INPP4A: variants seen among roughly 807,000 people sequenced by gnomAD.
INPP4A encodes inositol polyphosphate-4-phosphatase, type I, 107kD.
A neutral mutation model predicts 119.8 loss-of-function variants in INPP4A; 33 were observed. That is an observed-to-expected ratio of 0.28 (90% CI 0.21 to 0.37). The LOEUF is 0.37. INPP4A is among the 10% of genes least tolerant of loss of function. The probability of loss-of-function intolerance (pLI) is 1.00; values close to 1 mark genes in which losing one functional copy is unlikely to be tolerated. For synonymous variants in INPP4A, 496 were observed against 500.7 expected, an observed-to-expected ratio of 0.99 and a Z score of 0.12; for missense variants, 956 against 1,289.9, an observed-to-expected ratio of 0.74 and a Z score of 3.97.
chr2:98,493,468 C>T (rs1681277886), intron 1 of INPP4A, among the ~76,000 whole-genome samples: 1 of 139,318 alleles, frequency 7.2e-6, no homozygotes, highest in African/African-American at 2.6e-5. Flanking sequence ...CCTCTGTCAT[C>T]CATGCTGCAG....
intron 1 of INPP4A, among the ~76,000 whole-genome samples, chr2:98,476,385 T>C (rs1043965085): frequency 6.6e-6 from 1 of 152,224 alleles, no homozygotes; most frequent in Non-Finnish European, 1.5e-5. Flanking sequence ...GTAATGGCCC[T>C]GTTTGCTGTC....
chr2:98,474,296 C>CT (rs1200882100), intron 1 of INPP4A, among the ~76,000 whole-genome samples: 1 of 152,204 alleles, frequency 6.6e-6, no homozygotes, highest in African/African-American at 2.4e-5. Context: ...CTTCCCAGTG[C>CT]TTGGTGAGGC....
intron 1 of INPP4A, among the ~76,000 whole-genome samples, chr2:98,451,568 C>T (rs1204749669): frequency 6.6e-6 from 1 of 152,086 alleles, no homozygotes; most frequent in Non-Finnish European, 1.5e-5. Flanking sequence ...TCTTTTTGCA[C>T]CTCACTAGGT....
chr2:98,484,184 C>T (rs1679071113), intron 1 of INPP4A, among the ~76,000 whole-genome samples: 2 of 152,166 alleles, frequency 1.3e-5, no homozygotes, highest in Non-Finnish European at 2.9e-5. Context: ...GTCCCATCAC[C>T]TTCTGATGAC....
At chr2:98,525,454 G>A (rs1235158609) in intron 4 of INPP4A, among the ~76,000 whole-genome samples, 2 of 152,150 alleles carry the variant, frequency 1.3e-5, no homozygotes, top group African/African-American at 2.4e-5. Context: ...TCTATTCATA[G>A]TTTCTGAGGA....
intron 16 of INPP4A, among the ~76,000 whole-genome samples, 184 bp from the exon 17 acceptor site, chr2:98,559,279 G>A (rs1168554976): frequency 6.6e-6 from 1 of 152,220 alleles, no homozygotes; most frequent in African/African-American, 2.4e-5. Flanking sequence ...GGCTGCCTTG[G>A]AGCAGCCAGA....
intron 8 of INPP4A, 36 bp downstream of exon 8, chr2:98,538,010 G>T: frequency 7.3e-7 from 1 of 1,364,146 alleles, no homozygotes; most frequent in Non-Finnish European, 1.0e-6. Context: ...CCCTTAGAAA[G>T]AGCAAGGGAA....
At chr2:98,513,184 C>T (rs376576483) in intron 1 of INPP4A, among the ~76,000 whole-genome samples, 6 of 152,112 alleles carry the variant, frequency 3.9e-5, no homozygotes, top group Non-Finnish European at 4.4e-5. Context: ...CCTCCTGCAT[C>T]GCCTCCCAGA....
At chr2:98,514,907 C>A (rs1049744254) in intron 1 of INPP4A, among the ~76,000 whole-genome samples, 14 of 151,108 alleles carry the variant, frequency 9.3e-5, no homozygotes, top group Admixed American at 2.0e-4. Context: ...AGAACAAGAC[C>A]CTGTCTCTAA....
At chr2:98,539,804 C>A in intron 10 of INPP4A, 129 bp downstream of exon 10, 1 of 906,062 alleles carries the variant, frequency 1.1e-6, no homozygotes. Flanking sequence ...CCCCCTGCAG[C>A]TCTGTGGCCT....
chr2:98,541,740 A>G (rs1364260245), intron 10 of INPP4A, among the ~76,000 whole-genome samples: 1 of 152,144 alleles, frequency 6.6e-6, no homozygotes, highest in Non-Finnish European at 1.5e-5. Flanking sequence ...ACACACCACT[A>G]TGCCCAGCTA....
At chr2:98,476,833 T>C (rs988415657) in intron 1 of INPP4A, among the ~76,000 whole-genome samples, 2 of 152,232 alleles carry the variant, frequency 1.3e-5, no homozygotes, top group Non-Finnish European at 1.5e-5. Flanking sequence ...TTTGTACTTT[T>C]AACAGTAATT....
chr2:98,579,015 A>AT (rs1276020852), intron 24 of INPP4A, among the ~76,000 whole-genome samples: 1 of 151,830 alleles, frequency 6.6e-6, no homozygotes, highest in African/African-American at 2.4e-5. Flanking sequence ...TCTTGTGAGC[A>AT]TTTTTTAGGT....
intron 17 of INPP4A, among the ~76,000 whole-genome samples, chr2:98,562,791 A>G (rs1287391311): frequency 6.7e-6 from 1 of 149,850 alleles, no homozygotes. Flanking sequence ...GTTTTGGTAT[A>G]GGGTCAAAGT....
chr2:98,533,606 G>T, intron 5 of INPP4A, 111 bp downstream of exon 5: 1 of 686,972 alleles, frequency 1.5e-6, no homozygotes, highest in Non-Finnish European at 2.6e-6. Flanking sequence ...ATTTACGTGA[G>T]TTGTTGCTAT....
Position 98,539,500 on chromosome 2 carries a change from G to T in INPP4A, c.671-28G>T, listed in dbSNP as rs769545695. On this transcript the variant is annotated intron_variant, in intron 9 of 24. Coordinates refer to ENST00000409851, the MANE Select transcript of INPP4A (RefSeq NM_001134225.2). ...CAGGTCTGCAGCCAGTTCATTTGCAGCCTGTCTCCCTTGTCATCCCACCTC... is the reference window on the plus strand; with the variant it reads ...CAGGTCTGCAGCCAGTTCATTTGCATCCTGTCTCCCTTGTCATCCCACCTC... The T allele has an allele frequency of 2.5e-6, 4 of 1,592,690 alleles. No individual in the cohort carries two copies. The African/African-American group carries it at 5.4e-5, about 21-fold the overall frequency.
rs919768542 is a variant in INPP4A at position 98,519,975 on chromosome 2, C to G, written c.-74C>G. On this transcript the variant is annotated 5_prime_UTR_variant, in exon 3 of 25. Transcript: ENST00000409851. Reference sequence around the variant, plus strand: ...ACTGCCACTTTAGTGGACTAGGGCTCGGTGCCAGCACTTCCCGGGTAATCA... The same window carrying G: ...ACTGCCACTTTAGTGGACTAGGGCTGGGTGCCAGCACTTCCCGGGTAATCA... 4 of 1,232,166 alleles carry G rather than the reference C, an allele frequency of 3.2e-6. No individual in the cohort carries two copies. Among genetic ancestry groups the G allele is most frequent in the African/African-American group, 3.0e-5 (2 of 66,964 alleles). The allele number at this position is 1,232,166 out of a possible 1,614,324, so 76.3% of individuals were successfully genotyped here. A position where few individuals can be genotyped will look rare whatever the true frequency, so the allele number is the denominator to read the frequency against.
At chr2:98,507,472 G>A (rs574859186) in intron 1 of INPP4A, among the ~76,000 whole-genome samples, 17 of 152,132 alleles carry the variant, frequency 1.1e-4, no homozygotes, top group Admixed American at 2.0e-4. Flanking sequence ...GTTACTGAAA[G>A]TTGTGATGGA....
At chr2:98,478,486 G>T (rs556772130) in intron 1 of INPP4A, among the ~76,000 whole-genome samples, 2 of 152,280 alleles carry the variant, frequency 1.3e-5, no homozygotes, top group East Asian at 3.9e-4. Flanking sequence ...GCTGCTGTTA[G>T]AGTCAAGGCG....
Sources: allele counts gnomAD v4.1 joint callset (sites outside exome capture counted in the v4.1 genomes callset), GRCh38; gene constraint gnomAD v4.1.1; transcripts MANE v1.5; gene names NCBI Gene and HGNC (gene_info 2026-07-23, HGNC 2026-07-21).